The following CCDC180 variants were observed in gnomAD, a reference collection of about 807,000 sequenced individuals.
CCDC180 encodes the protein coiled-coil domain-containing protein 180.
CCDC180 carries 154 observed loss-of-function variants against 209.2 expected under a neutral mutation model. The ratio of observed to expected loss-of-function variants is 0.74; its 90% confidence interval spans 0.65 to 0.84. The LOEUF is 0.84. CCDC180 is among the 40% of genes least tolerant of loss of function. The pLI, the probability that CCDC180 is intolerant of heterozygous loss-of-function variation, is 0.00. For missense variants in CCDC180, 1,874 were observed against 1,997.3 expected (o/e 0.94, Z 1.18); for synonymous variants, 778 against 749.1 (o/e 1.04, Z -0.63).
intron 22 of CCDC180, 55 bp from the exon 23 acceptor site, chr9:97,354,514 G>C: frequency 6.3e-7 from 1 of 1,582,870 alleles, no homozygotes; most frequent in Non-Finnish European, 8.7e-7. Flanking sequence ...ATTTGGGATA[G>C]ATGAGAACTC....
chr9:97,343,640 AGGATTGGGCTGGTATCAGTTGGATAAAG>A, intron 19 of CCDC180, 77 bp downstream of exon 19: 12 of 1,069,088 alleles, frequency 1.1e-5, no homozygotes, highest in Non-Finnish European at 1.6e-5. Context: ...AAAAAAAAAA[AGGATTGGGCTGGTATCAGTTGGATAAAG>A]AAAAAAATGT....
intron 35 of CCDC180, among the ~76,000 whole-genome samples, chr9:97,375,191 A>G (rs1483145534): frequency 1.3e-5 from 2 of 152,206 alleles, no homozygotes; most frequent in African/African-American, 4.8e-5. Context: ...TGAGGCTCAG[A>G]AAGGGGAGCA....
At chr9:97,369,818 T>C (rs1412433371) in intron 31 of CCDC180, 104 bp from the exon 32 acceptor site, 5 of 1,315,280 alleles carry the variant, frequency 3.8e-6, no homozygotes, top group Non-Finnish European at 5.3e-6. Context: ...GAGACCAAGA[T>C]TTTCTCTTTG....
chr9:97,343,322 G>A lies in CCDC180; in HGVS notation c.2275-18G>A, dbSNP rs1383758924. 6.7e-7 allele frequency: 1 copy of A among 1,503,026 alleles called. No individual in the cohort carries two copies. Among genetic ancestry groups the A allele is most frequent in the Non-Finnish European group, 9.3e-7 (1 of 1,080,906 alleles). 93.1% of individuals were successfully genotyped at this position (1,503,026 alleles called of 1,614,324 possible). A position where few individuals can be genotyped will look rare whatever the true frequency, so the allele number is the denominator to read the frequency against. On this transcript the variant is annotated intron_variant, in intron 18 of 36. Coordinates refer to ENST00000529487, the MANE Select transcript of CCDC180 (RefSeq NM_020893.6). ...ATTTGATGATATCAAGTCAACTTTAGTGTTATTGCCTGCTTAGGAAGAAGA... is the reference window on the plus strand; with the variant it reads ...ATTTGATGATATCAAGTCAACTTTAATGTTATTGCCTGCTTAGGAAGAAGA...
At chr9:97,338,982 C>T (rs919136288) in intron 18 of CCDC180, among the ~76,000 whole-genome samples, 2 of 152,032 alleles carry the variant, frequency 1.3e-5, no homozygotes, top group African/African-American at 4.8e-5. Flanking sequence ...GATTGTAACC[C>T]CTGCTTTTTT....
intron 10 of CCDC180, 92 bp from the exon 11 acceptor site, chr9:97,320,034 T>A (rs1833304544): frequency 1.0e-6 from 1 of 966,164 alleles, no homozygotes; most frequent in Admixed American, 1.7e-5. Flanking sequence ...AATCCATGAT[T>A]TTCTGGAGCT....
intron 26 of CCDC180, among the ~76,000 whole-genome samples, chr9:97,361,018 G>T (rs984734967): frequency 3.3e-5 from 5 of 152,176 alleles, no homozygotes; most frequent in Admixed American, 6.5e-5. Flanking sequence ...ATCTCCCTCT[G>T]GTGGGGTGTC....
At chr9:97,364,208 G>C (rs111358773) in intron 29 of CCDC180, 80 bp downstream of exon 29, 2 of 1,344,580 alleles carry the variant, frequency 1.5e-6, no homozygotes, top group East Asian at 5.0e-5. Flanking sequence ...TCAGCTGAGG[G>C]GAAAAATCAG....
At chr9:97,371,546 G>A (rs1827099899) in intron 33 of CCDC180, 49 bp from the exon 34 acceptor site, 1 of 1,273,300 alleles carries the variant, frequency 7.9e-7, no homozygotes. Flanking sequence ...GCTGGCCTTG[G>A]AGGGATGATC....
At chr9:97,354,378 C>A (rs79162685) in intron 22 of CCDC180, among the ~76,000 whole-genome samples, 191 bp from the exon 23 acceptor site, 1,609 of 152,270 alleles carry the variant, frequency 0.011, 24 homozygotes, top group African/African-American at 0.037. Context: ...ACCTGATGAA[C>A]TGACAAAAAT....
chr9:97,316,282 T>TA (rs1416116760), intron 8 of CCDC180, among the ~76,000 whole-genome samples: 1 of 152,236 alleles, frequency 6.6e-6, no homozygotes, highest in Non-Finnish European at 1.5e-5. Context: ...AACCCCATCT[T>TA]ACGGCTGTGG....
chr9:97,362,816 A>G (rs1296189771), intron 28 of CCDC180, among the ~76,000 whole-genome samples: 1 of 152,218 alleles, frequency 6.6e-6, no homozygotes, highest in African/African-American at 2.4e-5. Context: ...TGCATATCAG[A>G]AGCCCCATGG....
In CCDC180 at chr9:97,317,068, A is replaced by G; in HGVS notation, c.799A>G (p.Met267Val). 1 of 1,611,132 alleles carries G rather than the reference A, an allele frequency of 6.2e-7. No individual in the cohort carries two copies. Among genetic ancestry groups the G allele is most frequent in the Non-Finnish European group, 8.5e-7 (1 of 1,178,138 alleles). The change falls in exon 9 of 37, where the codon ATG (methionine) becomes GTG (valine). Residue 267 changes from methionine to valine, a missense_variant. By Grantham distance (21) the Met-to-Val change is conservative. Transcript: ENST00000529487. The part of the protein sequence containing the change: ...YRLINEEAMV[M>V]NYALLGNRKA... Reference sequence around the variant, plus strand: ...CCCTGCCCATCTGTGACCACAGGTCATGAACTATGCCCTGCTGGGCAACCG... The same window carrying G: ...CCCTGCCCATCTGTGACCACAGGTCGTGAACTATGCCCTGCTGGGCAACCG...
At chr9:97,367,666 G>A (rs1826966523) in intron 31 of CCDC180, among the ~76,000 whole-genome samples, 1 of 152,008 alleles carries the variant, frequency 6.6e-6, no homozygotes, top group African/African-American at 2.4e-5. Context: ...TAAAGACAGG[G>A]TTTCACCACA....
At chr9:97,354,821 C>A in intron 23 of CCDC180, 71 bp from the exon 24 acceptor site, 3 of 1,557,768 alleles carry the variant, frequency 1.9e-6, no homozygotes, top group Admixed American at 3.4e-5. Context: ...CTGGGCCTGT[C>A]CCCCTCCTCC....
chr9:97,351,081 A>G (rs150412283), intron 22 of CCDC180, among the ~76,000 whole-genome samples: 17 of 152,124 alleles, frequency 1.1e-4, no homozygotes, highest in African/African-American at 3.6e-4. Flanking sequence ...GGTTGTTTCC[A>G]TCTTTTGGCT....
intron 26 of CCDC180, among the ~76,000 whole-genome samples, chr9:97,360,932 C>T (rs1469879231): frequency 6.6e-6 from 1 of 152,236 alleles, no homozygotes; most frequent in Non-Finnish European, 1.5e-5. Context: ...CTAGGCCCTG[C>T]TCTCACCACC....
At chr9:97,316,436 C>T (rs1183918579) in intron 8 of CCDC180, among the ~76,000 whole-genome samples, 1 of 152,176 alleles carries the variant, frequency 6.6e-6, no homozygotes. Flanking sequence ...CAGCATACTG[C>T]CACCTCCCTG....
chr9:97,350,968 A>G (rs1260674626), intron 22 of CCDC180, among the ~76,000 whole-genome samples: 1 of 152,200 alleles, frequency 6.6e-6, no homozygotes, highest in East Asian at 1.9e-4. Flanking sequence ...TCCATGTATC[A>G]TGTATCATGT....
Sources: gnomAD v4.1 joint callset for allele counts (sites outside exome capture counted in the v4.1 genomes callset) on GRCh38, gnomAD v4.1.1 for gene constraint, MANE v1.5 for transcripts, NCBI Gene and HGNC (gene_info 2026-07-23, HGNC 2026-07-21) for gene names.